Variants in GNAS observed in about 807,000 individuals in gnomAD.
GNAS encodes protein ALEX.
In GNAS, 8 loss-of-function variants were observed where a neutral mutation model predicts 54.5. The observed-to-expected ratio is 0.15, with a 90% CI of 0.09 to 0.26. The LOEUF is 0.26. GNAS is among the 10% of genes least tolerant of loss of function. The pLI is 1.00. For synonymous variants in GNAS, 204 were observed against 191.4 expected, an observed-to-expected ratio of 1.07 and a Z score of -0.54; for missense variants, 170 against 529.8, an observed-to-expected ratio of 0.32 and a Z score of 6.67.
At chr20:58,854,435 C>A (rs2086340217) in intron 1 of GNAS, 3 of 1,572,708 alleles carry the variant, frequency 1.9e-6, no homozygotes, top group Admixed American at 1.8e-5. Context: ...CAGCGGATAC[C>A]GCTGCCAGGG....
intron 1 of GNAS, among the ~76,000 whole-genome samples, chr20:58,851,375 G>A (rs758248895): frequency 7.2e-5 from 11 of 152,108 alleles, no homozygotes; most frequent in Non-Finnish European, 1.0e-4. Context: ...CGTGCCGTGC[G>A]CCCTGCTTGC....
upstream of GNAS, among the ~76,000 whole-genome samples, chr20:58,888,039 G>C (rs947274412): frequency 6.6e-6 from 1 of 152,184 alleles, no homozygotes; most frequent in Admixed American, 6.5e-5. Context: ...CAAGGCCTCT[G>C]GTGGTATCAG....
intron 3 of GNAS, chr20:58,900,482 AGGT>A (rs1368508664): frequency 5.4e-6 from 1 of 186,692 alleles, no homozygotes; most frequent in African/African-American, 2.3e-5. Context: ...ACAAGGATTA[AGGT>A]GGAGACCTGA....
intron 1 of GNAS, among the ~76,000 whole-genome samples, chr20:58,865,144 G>A (rs943529755): frequency 6.6e-6 from 1 of 152,024 alleles, no homozygotes. Context: ...GGGGCTGGGC[G>A]CGGTGGCTCA....
intron 1 of GNAS, among the ~76,000 whole-genome samples, chr20:58,878,912 T>TGGGGGGGGGGGGGGGGGG (rs11086659): frequency 1.0e-3 from 96 of 95,358 alleles, no homozygotes; most frequent in Non-Finnish European, 1.2e-3. Context: ...GGGGTGCGGG[T>TGGGGGGGGGGGGGGGGGG]GGGGGGGGGA....
intron 1 of GNAS, chr20:58,852,906 A>C (rs2086240901): frequency 1.6e-6 from 1 of 640,362 alleles, no homozygotes. Context: ...CGATTTTCGG[A>C]CCGAATCGGC....
At chr20:58,896,710 G>C (rs2090098473) in intron 2 of GNAS, among the ~76,000 whole-genome samples, 1 of 152,022 alleles carries the variant, frequency 6.6e-6, no homozygotes, top group Admixed American at 6.6e-5. Flanking sequence ...AACCGCACTA[G>C]ATTTCAAGCA....
Position 58,910,633 on chromosome 20 carries a change from T to C in GNAS, c.1039-50T>C, listed in dbSNP as rs1304013856. 4 of 1,608,536 alleles carry C rather than the reference T, an allele frequency of 2.5e-6. No homozygotes were observed. In the Admixed American group the frequency reaches 6.7e-5, roughly 27 times the overall value. ...GTAGGTGTCCCCATCAGGGATAGGG[T>C]GGTTCCTGGCGAGGGTGTCACTGAC... On this transcript the variant is annotated intron_variant, in intron 12 of 12. Coordinates refer to ENST00000371085, the MANE Select transcript of GNAS (RefSeq NM_000516.7). The surrounding 1 kb of genome is among the most constrained non-coding windows in gnomAD (Gnocchi z 5.8).
upstream of GNAS, among the ~76,000 whole-genome samples, chr20:58,889,885 T>G (rs2088965882): frequency 6.6e-6 from 1 of 151,322 alleles, no homozygotes; most frequent in Non-Finnish European, 1.5e-5. Context: ...GCCACCATGC[T>G]GAAGATGGCC....
intron 1 of GNAS, chr20:58,876,511 A>C (rs1009568808): frequency 6.6e-6 from 1 of 152,150 alleles, no homozygotes; most frequent in Non-Finnish European, 1.5e-5. Context: ...CCCCTACATG[A>C]TGCGGTGTCC....
rs577687095 is a variant in GNAS, at chr20:58,854,013, G to A, written c.43+13127G>A. 5.0e-6 allele frequency: 8 copies of A among 1,611,472 alleles called. No homozygotes were observed. The Admixed American group carries it at 5.0e-5, about 10-fold the overall frequency. ...GCTTTCCCGAGTTATCGCACAAGTC[G>A]ACGGCAGCAGCCAGTTCGCGGCAGT... On this transcript the variant is annotated intron_variant, in intron 1 of 12. Transcript: ENST00000306090.
chr20:58,859,128 C>T (rs953356489), intron 1 of GNAS, among the ~76,000 whole-genome samples: 4 of 152,200 alleles, frequency 2.6e-5, no homozygotes, highest in African/African-American at 9.7e-5. Context: ...ATCCTCCTAA[C>T]TTGAAAAGGA....
chr20:58,899,039 A>C, intron 3 of GNAS, 54 bp downstream of exon 3: 38 of 1,342,126 alleles, frequency 2.8e-5, no homozygotes, highest in Non-Finnish European at 3.6e-5. Context: ...AAACATGAAG[A>C]TCATACTGGG....
intron 1 of GNAS, among the ~76,000 whole-genome samples, chr20:58,862,627 T>C (rs892681196): frequency 2.0e-5 from 3 of 151,804 alleles, no homozygotes; most frequent in African/African-American, 7.3e-5. Flanking sequence ...AACATGTAAG[T>C]TCTAAAAGTG....
chr20:58,889,593 G>C (rs544286503), upstream of GNAS: 2 of 151,962 alleles, frequency 1.3e-5, no homozygotes, highest in African/African-American at 4.9e-5. Context: ...TTTTCTTTTT[G>C]AGTTGACATT....
chr20:58,891,923 A>C (rs1429581739), intron 1 of GNAS, 58 bp downstream of exon 1: 59 of 934,632 alleles, frequency 6.3e-5, no homozygotes, highest in Non-Finnish European at 7.0e-5. Context: ...GGCGCCCCGC[A>C]GGCCGCGCGC....
intron 6 of GNAS, among the ~76,000 whole-genome samples, chr20:58,906,603 C>G (rs972822477): frequency 1.3e-5 from 2 of 152,218 alleles, no homozygotes; most frequent in Admixed American, 1.3e-4. Context: ...GCGACCTTGG[C>G]TCACTGCAAC....
chr20:58,903,934 C>T (rs2090867935), intron 5 of GNAS, 143 bp downstream of exon 5: 1 of 840,150 alleles, frequency 1.2e-6, no homozygotes, highest in Non-Finnish European at 2.1e-6. Flanking sequence ...TGATGTCCAT[C>T]CTTAGGAAAA....
chr20:58,850,882 C>T (rs529489816), intron 1 of GNAS: 2 of 398,784 alleles, frequency 5.0e-6, no homozygotes, highest in East Asian at 7.1e-5. Flanking sequence ...CCTCTTCGGG[C>T]GTTCCAACGC....
Sources: allele counts gnomAD v4.1 joint callset (sites outside exome capture counted in the v4.1 genomes callset), GRCh38; gene constraint gnomAD v4.1.1; non-coding constraint Gnocchi (gnomAD v3.1); transcripts MANE v1.5; gene names NCBI Gene and HGNC (gene_info 2026-07-23, HGNC 2026-07-21).